COLEC11: variants seen among roughly 807,000 people sequenced by gnomAD.
COLEC11 encodes collectin subfamily member 11.
COLEC11 carries 20 observed loss-of-function variants against 27.3 expected under a neutral mutation model. The observed-to-expected ratio is 0.73, with a 90% CI of 0.51 to 1.06. The LOEUF (loss-of-function observed/expected upper bound fraction) is 1.06, where lower values mean the gene tolerates loss of function less well. Ranked by LOEUF, COLEC11 falls within the 50% of genes least tolerant of loss-of-function variation. COLEC11 has a pLI of 0.00. For missense variants in COLEC11, 310 were observed against 383.0 expected (o/e 0.81, Z 1.59); for synonymous variants, 163 against 154.7 (o/e 1.05, Z -0.40).
At chr2:3,635,094 CT>C (rs1267758006) in intron 3 of COLEC11, among the ~76,000 whole-genome samples, 8 of 37,090 alleles carry the variant, frequency 2.2e-4, no homozygotes, top group Non-Finnish European at 2.7e-4. Flanking sequence ...GCCTGTCCCC[CT>C]CTCCCCTGCC....
Position 3,613,334 on chromosome 2 carries a change from A to G in COLEC11, c.154A>G (p.Lys52Glu). 1.9e-6 allele frequency: 3 copies of G among 1,610,810 alleles called. No individual in the cohort carries two copies. Among genetic ancestry groups the G allele is most frequent in the Non-Finnish European group, 2.5e-6 (3 of 1,178,716 alleles). Residue 52 changes from lysine to glutamate, a missense_variant, in exon 3 of 7, where the codon AAA (lysine) becomes GAA (glutamate). Coordinates refer to ENST00000349077, the MANE Select transcript of COLEC11 (RefSeq NM_024027.5). ...LKGDAGEKGD[K>E]GAPGRPGRVG... ...AGGGGATGCGGGAGAGAAGGGAGAC[A>G]AAGGCGCCCCCGGACGGCCTGGAAG...
intron 3 of COLEC11, among the ~76,000 whole-genome samples, chr2:3,629,311 T>A (rs1572450106): frequency 6.6e-6 from 1 of 152,220 alleles, no homozygotes; most frequent in Non-Finnish European, 1.5e-5. Context: ...AAATAGAATA[T>A]TTCTGTCAGA....
intron 1 of COLEC11, chr2:3,604,080 T>G: frequency 1.7e-6 from 1 of 596,574 alleles, no homozygotes; most frequent in Admixed American, 3.0e-5. Flanking sequence ...CAAGGCTCAC[T>G]GACCAGGGCT....
chr2:3,615,726 C>A (rs78373006), intron 3 of COLEC11, among the ~76,000 whole-genome samples: 6 of 148,626 alleles, frequency 4.0e-5, no homozygotes, highest in Non-Finnish European at 6.0e-5. Context: ...TGGGCAGAGG[C>A]GCCCCCCACC....
At chr2:3,640,220 A>T in intron 4 of COLEC11, 58 bp from the exon 5 acceptor site, 2 of 1,014,268 alleles carry the variant, frequency 2.0e-6, no homozygotes, top group Non-Finnish European at 3.1e-6. Flanking sequence ...TGATGTTTTT[A>T]ACACATAGAA....
chr2:3,617,743 G>A, intron 3 of COLEC11: 2 of 1,320,174 alleles, frequency 1.5e-6, no homozygotes, highest in Non-Finnish European at 2.2e-6. Context: ...TCTGCGCAGT[G>A]GCCACCACTG....
intron 2 of COLEC11, chr2:3,606,257 A>G (rs781454070): frequency 6.5e-7 from 1 of 1,548,830 alleles, no homozygotes; most frequent in Non-Finnish European, 8.7e-7. Flanking sequence ...AGTAGCCTGC[A>G]CTGGTGGGGG....
At chr2:3,606,085 C>T in intron 2 of COLEC11, 1 of 1,550,236 alleles carries the variant, frequency 6.5e-7, no homozygotes, top group Non-Finnish European at 8.7e-7. Context: ...TTGGCCCTGA[C>T]TTTGTGGTAG....
At chr2:3,626,180 C>A in intron 3 of COLEC11, 2 of 1,108,910 alleles carry the variant, frequency 1.8e-6, no homozygotes, top group Non-Finnish European at 2.8e-6. Context: ...GGCCACATGG[C>A]TTGGACAGAA....
rs144784212 is a variant in COLEC11 at position 3,640,186 on chromosome 2, C to T, written c.275-92C>T. ...AACAAGAGGGCCTGGGATAAATCCG[C>T]GAGACAAATCACATTTTCAGTCTTG... is the stretch of plus-strand genomic sequence containing the variant. On this transcript the variant is annotated intron_variant, in intron 4 of 6. Transcript: ENST00000349077. 5,216 of 824,368 alleles carry T rather than the reference C, an allele frequency of 6.3e-3. 31 individuals carry two copies. Among genetic ancestry groups the T allele is most frequent in the Non-Finnish European group, 8.2e-3 (3,928 of 477,610 alleles). The allele number at this position is 824,368 out of a possible 1,614,324, so 51.1% of individuals were successfully genotyped here.
chr2:3,613,384 T>G lies in COLEC11; in HGVS notation c.202+2T>G, dbSNP rs1391585233. ...GAGTCGGCCCCACGGGAGAAAAAGG[T>G]ACCTGCAGCCCTGGGCCGGCCCTCA... On this transcript the variant is annotated splice_donor_variant, in intron 3 of 6. Coordinates refer to ENST00000349077, the MANE Select transcript of COLEC11 (RefSeq NM_024027.5). LOFTEE classifies it high-confidence loss of function. 1 of 1,591,738 alleles carries G rather than the reference T, an allele frequency of 6.3e-7. No individual in the cohort carries two copies. Among genetic ancestry groups the G allele is most frequent in the Non-Finnish European group, 8.6e-7 (1 of 1,168,980 alleles).
At chr2:3,614,356 T>TA (rs1406921220) in intron 3 of COLEC11, among the ~76,000 whole-genome samples, 10 of 151,934 alleles carry the variant, frequency 6.6e-5, no homozygotes, top group Non-Finnish European at 1.0e-4. Flanking sequence ...TGTTTCCAAT[T>TA]AAAAAAAATT....
intron 3 of COLEC11, chr2:3,626,131 G>T (rs1664536640): frequency 6.5e-7 from 1 of 1,547,076 alleles, no homozygotes; most frequent in Admixed American, 1.7e-5. Flanking sequence ...ACTTAAGTTG[G>T]ACCCTGAGAT....
intron 4 of COLEC11, 82 bp downstream of exon 4, chr2:3,637,686 GAA>G: frequency 9.3e-7 from 1 of 1,080,386 alleles, no homozygotes; most frequent in South Asian, 1.3e-5. Flanking sequence ...ATTGTAGCCT[GAA>G]TTGTCTCGTC....
chr2:3,642,972 T>C (rs1665982942), intron 5 of COLEC11, among the ~76,000 whole-genome samples: 1 of 152,180 alleles, frequency 6.6e-6, no homozygotes. Flanking sequence ...CCACCTCCTT[T>C]GCCCAGCCAG....
chr2:3,606,234 G>A (rs1662686620), intron 2 of COLEC11: 3 of 1,550,188 alleles, frequency 1.9e-6, no homozygotes, highest in Non-Finnish European at 2.6e-6. Flanking sequence ...TCTTCCCTGC[G>A]CCCTGCCAGG....
chr2:3,625,202 T>A (rs1462487401), intron 3 of COLEC11, among the ~76,000 whole-genome samples: 6 of 152,188 alleles, frequency 3.9e-5, no homozygotes, highest in African/African-American at 1.2e-4. Flanking sequence ...CTTCTCCCAC[T>A]TAGAAGTGGC....
At chr2:3,608,560 C>T (rs1262090775) in intron 2 of COLEC11, among the ~76,000 whole-genome samples, 2 of 152,144 alleles carry the variant, frequency 1.3e-5, no homozygotes, top group African/African-American at 2.4e-5. Flanking sequence ...CAGTGGGTCA[C>T]GCCTGTGATC....
intron 3 of COLEC11, among the ~76,000 whole-genome samples, chr2:3,615,639 A>C (rs1663616788): frequency 6.6e-6 from 1 of 152,100 alleles, no homozygotes; most frequent in East Asian, 1.9e-4. Context: ...GCCCATTCTC[A>C]ATGAGCTGTG....
Sources: gnomAD v4.1 joint callset for allele counts (sites outside exome capture counted in the v4.1 genomes callset) on GRCh38, gnomAD v4.1.1 for gene constraint, MANE v1.5 for transcripts, NCBI Gene and HGNC (gene_info 2026-07-23, HGNC 2026-07-21) for gene names.